Variants in SPAG16 observed in about 807,000 individuals in gnomAD.
SPAG16 encodes sperm associated antigen 16, also known as sperm-associated antigen 16 protein.
Under a neutral mutation model 80.4 loss-of-function variants are expected in SPAG16, and 86 were observed. The observed-to-expected ratio is 1.07, with a 90% CI of 0.90 to 1.28. SPAG16 has a LOEUF of 1.28. Among genes scored for constraint, SPAG16 ranks in the 50% most tolerant of loss-of-function variants. The pLI is 0.00. For synonymous variants in SPAG16, 294 were observed against 265.9 expected (o/e 1.11, Z -1.03); for missense variants, 870 against 765.3 (o/e 1.14, Z -1.61).
chr2:214,318,373 CTTTTTTTTT>C (rs34923875), intron 15 of SPAG16, among the ~76,000 whole-genome samples: 1 of 69,804 alleles, frequency 1.4e-5, no homozygotes, highest in African/African-American at 5.8e-5. Flanking sequence ...AGAGTGAATT[CTTTTTTTTT>C]TTTTTTTTTT....
chr2:213,326,749 G>A (rs1164010557), intron 5 of SPAG16, among the ~76,000 whole-genome samples: 2 of 151,868 alleles, frequency 1.3e-5, no homozygotes, highest in African/African-American at 4.8e-5. Flanking sequence ...ACAAGAAAAT[G>A]TTTATATGCT....
intron 10 of SPAG16, among the ~76,000 whole-genome samples, chr2:213,758,953 A>ACT (rs2068497014): frequency 6.6e-6 from 1 of 152,260 alleles, no homozygotes; most frequent in Non-Finnish European, 1.5e-5. Flanking sequence ...ATAATCAGTA[A>ACT]GATTATCAGT....
At chr2:213,504,153 G>T (rs997896670) in intron 10 of SPAG16, among the ~76,000 whole-genome samples, 3 of 152,206 alleles carry the variant, frequency 2.0e-5, no homozygotes, top group African/African-American at 7.2e-5. Context: ...GAAGGACTAT[G>T]CAGGGGCTCC....
intron 14 of SPAG16, among the ~76,000 whole-genome samples, chr2:214,113,897 AGAG>A (rs1234464913): frequency 6.6e-6 from 1 of 152,178 alleles, no homozygotes; most frequent in African/African-American, 2.4e-5. Context: ...TTGGAGGAGA[AGAG>A]GTGCTCTGGT....
At chr2:214,375,170 C>T (rs1165163868) in intron 15 of SPAG16, among the ~76,000 whole-genome samples, 1 of 152,146 alleles carries the variant, frequency 6.6e-6, no homozygotes, top group Non-Finnish European at 1.5e-5. Context: ...CTTTAGCTCA[C>T]ACTAACTGAC....
chr2:214,369,127 T>C (rs1386091593), intron 15 of SPAG16, among the ~76,000 whole-genome samples: 2 of 152,096 alleles, frequency 1.3e-5, no homozygotes, highest in African/African-American at 2.4e-5. Flanking sequence ...AGTGGACAAC[T>C]CAGGAGATTT....
intron 11 of SPAG16, among the ~76,000 whole-genome samples, chr2:213,877,107 G>A (rs1338206612): frequency 1.3e-5 from 2 of 152,094 alleles, no homozygotes; most frequent in East Asian, 3.8e-4. Flanking sequence ...TTGCACCTCA[G>A]TGCCTTTAAC....
chr2:214,041,390 TAAAC>T (rs1478679931), intron 13 of SPAG16, among the ~76,000 whole-genome samples: 1 of 151,804 alleles, frequency 6.6e-6, no homozygotes, highest in Non-Finnish European at 1.5e-5. Context: ...TAGTTTTTAA[TAAAC>T]AAAGACTCTT....
chr2:213,602,017 AG>A (rs2061083761), intron 10 of SPAG16, among the ~76,000 whole-genome samples: 1 of 152,222 alleles, frequency 6.6e-6, no homozygotes, highest in South Asian at 2.1e-4. Flanking sequence ...GTTCACAAAA[AG>A]GTTTGCACAC....
At chr2:213,427,900 A>G (rs958569498) in intron 9 of SPAG16, among the ~76,000 whole-genome samples, 28 of 152,224 alleles carry the variant, frequency 1.8e-4, no homozygotes, top group African/African-American at 6.3e-4. Flanking sequence ...TGATGGATAT[A>G]TAATTAATCT....
chr2:213,919,482 G>T (rs949645088), intron 11 of SPAG16, among the ~76,000 whole-genome samples: 2 of 152,084 alleles, frequency 1.3e-5, no homozygotes, highest in Non-Finnish European at 2.9e-5. Context: ...TTGGTATGTT[G>T]TGTCTTGGTT....
intron 15 of SPAG16, chr2:214,239,361 G>A (rs1333196555): frequency 6.6e-6 from 1 of 152,114 alleles, no homozygotes; most frequent in Non-Finnish European, 1.5e-5. Context: ...ATTAATTATA[G>A]TCATGTTGTT....
chr2:213,704,078 G>A (rs768216069), intron 10 of SPAG16, among the ~76,000 whole-genome samples: 7 of 152,122 alleles, frequency 4.6e-5, no homozygotes, highest in Non-Finnish European at 1.0e-4. Context: ...CTCAGTACCT[G>A]TTCCCTGTCT....
intron 10 of SPAG16, among the ~76,000 whole-genome samples, chr2:213,618,031 G>A (rs547832202): frequency 3.9e-5 from 6 of 152,218 alleles, no homozygotes; most frequent in African/African-American, 1.4e-4. Flanking sequence ...TTATTGAATT[G>A]TTTAATTCAA....
At chr2:213,938,858 G>C (rs1167436329) in intron 12 of SPAG16, among the ~76,000 whole-genome samples, 3 of 143,648 alleles carry the variant, frequency 2.1e-5, no homozygotes, top group Non-Finnish European at 4.7e-5. Flanking sequence ...AGATAATAAA[G>C]ATGAGGTTTT....
chr2:213,355,340 T>A (rs1298164163), intron 7 of SPAG16, among the ~76,000 whole-genome samples: 1 of 150,954 alleles, frequency 6.6e-6, no homozygotes, highest in African/African-American at 2.4e-5. Flanking sequence ...TTGTCTTGGC[T>A]ATGCAGGCTC....
chr2:213,916,234 T>C (rs1473005270), intron 11 of SPAG16, among the ~76,000 whole-genome samples: 2 of 152,222 alleles, frequency 1.3e-5, no homozygotes, highest in Non-Finnish European at 2.9e-5. Flanking sequence ...TTCTAGGGTT[T>C]TTATGGTTTT....
In SPAG16 at chr2:214,034,236, T is replaced by G. The variant is rs777024523; in HGVS notation, c.1527+20159T>G. 2.1e-4 allele frequency among the ~76,000 whole-genome samples: 32 copies of G among 152,378 alleles called. 1 individual carries two copies. The highest frequency in any genetic ancestry group is 6.2e-4 in the South Asian group (3 of 4,828). On this transcript the variant is annotated intron_variant, in intron 13 of 15. Coordinates refer to ENST00000331683, the MANE Select transcript of SPAG16 (RefSeq NM_024532.5). ...TGTTGATCAGTGTCATTAACGGTGATGTTAACTTTGATCACTTGGTTATGG... is the reference window on the plus strand; with the variant it reads ...TGTTGATCAGTGTCATTAACGGTGAGGTTAACTTTGATCACTTGGTTATGG...
At chr2:213,516,254 T>G (rs1250035740) in intron 10 of SPAG16, among the ~76,000 whole-genome samples, 1 of 152,160 alleles carries the variant, frequency 6.6e-6, no homozygotes, top group Non-Finnish European at 1.5e-5. Flanking sequence ...TATACTTACT[T>G]CTTTGTGTGT....
Sources: gnomAD v4.1 joint callset for allele counts (sites outside exome capture counted in the v4.1 genomes callset) on GRCh38, gnomAD v4.1.1 for gene constraint, MANE v1.5 for transcripts, NCBI Gene and HGNC (gene_info 2026-07-23, HGNC 2026-07-21) for gene names.